The following RPSA2 variants were observed in gnomAD, a reference collection of about 807,000 sequenced individuals.
The protein encoded by RPSA2 is ribosomal protein SA 2.
chr19:23,853,865 A>G, the RPSA2 span, among the ~76,000 whole-genome samples: 1 of 152,222 alleles, frequency 6.6e-6, no homozygotes, highest in Non-Finnish European at 1.5e-5. Flanking sequence ...AACACCTACT[A>G]GTCCCATGTT....
At chr19:23,759,029 A>G in the RPSA2 span, 1 of 547,376 alleles carries the variant, frequency 1.8e-6, no homozygotes, top group East Asian at 3.1e-5. Flanking sequence ...AGATGTGATC[A>G]GATGCTCTGC....
the RPSA2 span, among the ~76,000 whole-genome samples, chr19:23,869,170 G>T: frequency 6.6e-6 from 1 of 152,124 alleles, no homozygotes; most frequent in Non-Finnish European, 1.5e-5. Flanking sequence ...GGGAGCATGG[G>T]CTCCAGGACC....
chr19:23,845,275 GT>G, the RPSA2 span, among the ~76,000 whole-genome samples: 4 of 570 alleles, frequency 7.0e-3, no homozygotes, highest in Non-Finnish European at 0.02. Context: ...TCTGATTTAT[GT>G]TTTTTTTTTC....
chr19:23,818,081 C>T, the RPSA2 span: 6 of 152,122 alleles, frequency 3.9e-5, no homozygotes, highest in East Asian at 1.9e-4. Context: ...CCCCCTTTGA[C>T]GCTTTTTATA....
chr19:23,809,823 C>CT, the RPSA2 span, among the ~76,000 whole-genome samples: 2 of 151,902 alleles, frequency 1.3e-5, no homozygotes, highest in Non-Finnish European at 2.9e-5. Flanking sequence ...TTAAATTTTT[C>CT]TTTTGACTAT....
the RPSA2 span, among the ~76,000 whole-genome samples, chr19:23,822,488 C>G: frequency 2.0e-5 from 3 of 152,038 alleles, no homozygotes; most frequent in African/African-American, 4.8e-5. Context: ...GGGGGTTCTC[C>G]GTGTAGGAGG....
the RPSA2 span, among the ~76,000 whole-genome samples, chr19:23,856,199 T>C: frequency 1.3e-5 from 2 of 152,064 alleles, no homozygotes; most frequent in East Asian, 3.9e-4. Context: ...ATGGGATTGG[T>C]ATGTCATTAG....
chr19:23,789,821 G>T, the RPSA2 span, among the ~76,000 whole-genome samples: 1 of 151,790 alleles, frequency 6.6e-6, no homozygotes, highest in African/African-American at 2.4e-5. Flanking sequence ...GGGACTACAG[G>T]CATGTACCAG....
the RPSA2 span, among the ~76,000 whole-genome samples, chr19:23,862,958 C>T: frequency 3.4e-5 from 5 of 148,664 alleles, no homozygotes; most frequent in African/African-American, 1.2e-4. Context: ...GGCTGGAGTG[C>T]AATGGCACAA....
At chr19:23,858,706 C>A in the RPSA2 span, among the ~76,000 whole-genome samples, 1 of 152,180 alleles carries the variant, frequency 6.6e-6, no homozygotes, top group African/African-American at 2.4e-5. Context: ...TACATGTGGA[C>A]TGCGCATGTT....
chr19:23,766,392 C>T, the RPSA2 span, among the ~76,000 whole-genome samples: 1 of 151,384 alleles, frequency 6.6e-6, no homozygotes, highest in Non-Finnish European at 1.5e-5. Flanking sequence ...AGAGGTCTTC[C>T]CCCAATGAGA....
chr19:23,839,357 C>A, the RPSA2 span, among the ~76,000 whole-genome samples: 1 of 152,008 alleles, frequency 6.6e-6, no homozygotes, highest in East Asian at 1.9e-4. Context: ...ATTGTCTCTG[C>A]TGATTCATTC....
At chr19:23,831,279 GTTAGGAATTTAC>G in the RPSA2 span, among the ~76,000 whole-genome samples, 1 of 152,174 alleles carries the variant, frequency 6.6e-6, no homozygotes, top group Non-Finnish European at 1.5e-5. Context: ...GAAACCAAGA[GTTAGGAATTTAC>G]TTCTGAAGGT....
At chr19:23,829,907 C>A in the RPSA2 span, among the ~76,000 whole-genome samples, 1 of 151,990 alleles carries the variant, frequency 6.6e-6, no homozygotes, top group African/African-American at 2.4e-5. Flanking sequence ...CATATTTTTT[C>A]TAGAAAATAA....
the RPSA2 span, among the ~76,000 whole-genome samples, chr19:23,760,997 G>A: frequency 1.2e-5 from 1 of 85,392 alleles, no homozygotes. Context: ...TATATATAGG[G>A]TGTATAAATA....
chr19:23,833,618 A>G, the RPSA2 span, among the ~76,000 whole-genome samples: 1 of 152,098 alleles, frequency 6.6e-6, no homozygotes, highest in Non-Finnish European at 1.5e-5. Flanking sequence ...AGCATTTATA[A>G]GCATTTATAC....
At chr19:23,815,893 C>CTATTT in the RPSA2 span, among the ~76,000 whole-genome samples, 1 of 151,724 alleles carries the variant, frequency 6.6e-6, no homozygotes, top group Non-Finnish European at 1.5e-5. Context: ...GTAAATCAAC[C>CTATTT]TATTTTATGA....
At chr19:23,790,538 A>G in the RPSA2 span, among the ~76,000 whole-genome samples, 1 of 151,972 alleles carries the variant, frequency 6.6e-6, no homozygotes. Flanking sequence ...CTTGAACGAT[A>G]TCCAGTCAGC....
At chr19:23,839,677 C>T in the RPSA2 span, among the ~76,000 whole-genome samples, 1,021 of 152,338 alleles carry the variant, frequency 6.7e-3, 14 homozygotes, top group African/African-American at 0.023. Flanking sequence ...ATCCTTCTCC[C>T]CTTGGAGTTT....
Sources: allele counts gnomAD v4.1 joint callset (sites outside exome capture counted in the v4.1 genomes callset), GRCh38; gene constraint gnomAD v4.1.1; transcripts MANE v1.5; gene names NCBI Gene and HGNC (gene_info 2026-07-23, HGNC 2026-07-21).